DLGAP2: variants seen among roughly 807,000 people sequenced by gnomAD.
DLGAP2 encodes the protein disks large-associated protein 2.
In DLGAP2, 26 loss-of-function variants were observed where a neutral mutation model predicts 100.3. That is an observed-to-expected ratio of 0.26 (90% confidence interval 0.19 to 0.36). The LOEUF (loss-of-function observed/expected upper bound fraction) is 0.36, where lower values mean the gene tolerates loss of function less well. Among genes scored for constraint, DLGAP2 ranks in the 10% least tolerant of loss-of-function variants. The probability of loss-of-function intolerance (pLI) is 1.00; values close to 1 mark genes in which losing one functional copy is unlikely to be tolerated. For missense variants in DLGAP2, 1,858 were observed against 1,453.2 expected (o/e 1.28, Z -4.53); for synonymous variants, 886 against 630.1 (o/e 1.41, Z -6.08).
At position 987,190 on chromosome 8, in the gene DLGAP2, T is replaced by A. The variant is rs189839976; in HGVS notation, c.73+79224T>A. Among the ~76,000 whole-genome samples, 672 of 152,278 alleles carry A rather than the reference T, an allele frequency of 4.4e-3. 7 individuals are homozygous for A. Among genetic ancestry groups the A allele is most frequent in the African/African-American group, 0.015 (644 of 41,552 alleles). On this transcript the variant is annotated intron_variant, in intron 2 of 14. Transcript: ENST00000637795. Reference sequence around the variant, plus strand: ...CACCGGAGGTTGGTTTGTGATGGTGTCTTTGCAGGAGTGCCAGGTGCCCTG... The same window carrying A: ...CACCGGAGGTTGGTTTGTGATGGTGACTTTGCAGGAGTGCCAGGTGCCCTG...
At position 1,478,850 on chromosome 8, in the gene DLGAP2, G is replaced by T. The variant is rs145006720; in HGVS notation, c.107-22516G>T. Among the ~76,000 whole-genome samples, 750 of 152,354 alleles carry T rather than the reference G, an allele frequency of 4.9e-3. 2 individuals carry two copies. The highest frequency in any genetic ancestry group is 8.0e-3 in the Non-Finnish European group (545 of 68,036). ...CCTCCTTGATGAAGATCAGTCATTA[G>T]CCAGGTACAAAGGAACAAGAAAGTA... On this transcript the variant is annotated intron_variant, in intron 3 of 14. Transcript: ENST00000637795.
At chr8:1,107,971 A>G (rs1166307419) in intron 2 of DLGAP2, among the ~76,000 whole-genome samples, 1 of 152,192 alleles carries the variant, frequency 6.6e-6, no homozygotes, top group Admixed American at 6.5e-5. Flanking sequence ...TCCTTCCTGA[A>G]GCGCCTGAAG....
chr8:1,259,150 A>T (rs1663235907), intron 3 of DLGAP2, among the ~76,000 whole-genome samples: 1 of 152,216 alleles, frequency 6.6e-6, no homozygotes. Flanking sequence ...GGATTGACAA[A>T]TTTCCATCAG....
chr8:945,595 A>G (rs890867953), intron 2 of DLGAP2, among the ~76,000 whole-genome samples: 1 of 152,138 alleles, frequency 6.6e-6, no homozygotes, highest in African/African-American at 2.4e-5. Context: ...AAACGCCACC[A>G]CTTAACGTGC....
At chr8:1,201,953 C>T (rs10106705) in intron 2 of DLGAP2, among the ~76,000 whole-genome samples, 31,127 of 144,810 alleles carry the variant, frequency 0.21, 3,274 homozygotes, top group African/African-American at 0.27. Flanking sequence ...TGTATGTGTA[C>T]ACATGTGGTG....
chr8:1,081,087 T>C (rs1242504967), intron 2 of DLGAP2, among the ~76,000 whole-genome samples: 1 of 152,206 alleles, frequency 6.6e-6, no homozygotes, highest in African/African-American at 2.4e-5. Flanking sequence ...TAAATTTGTG[T>C]TAATTTGTTC....
intron 2 of DLGAP2, among the ~76,000 whole-genome samples, chr8:1,030,425 A>G (rs1218558319): frequency 1.3e-5 from 2 of 152,214 alleles, no homozygotes; most frequent in East Asian, 3.8e-4. Flanking sequence ...GCTGCAGGAT[A>G]CAGAATCCAA....
chr8:1,265,215 C>G (rs1159367376), intron 3 of DLGAP2, among the ~76,000 whole-genome samples: 1 of 151,768 alleles, frequency 6.6e-6, no homozygotes, highest in Non-Finnish European at 1.5e-5. Context: ...AATAGATTTT[C>G]AAAAGAAACA....
At chr8:1,134,205 A>G (rs922118665) in intron 2 of DLGAP2, among the ~76,000 whole-genome samples, 1 of 152,188 alleles carries the variant, frequency 6.6e-6, no homozygotes, top group Non-Finnish European at 1.5e-5. Flanking sequence ...ATTCCATGGT[A>G]TACATGTACC....
intron 5 of DLGAP2, among the ~76,000 whole-genome samples, chr8:1,555,053 T>C (rs1801913278): frequency 6.6e-6 from 1 of 152,140 alleles, no homozygotes; most frequent in Non-Finnish European, 1.5e-5. Context: ...AGGAGGGCTT[T>C]TGTTTTAAGT....
At chr8:1,152,482 G>A (rs1357445982) in intron 2 of DLGAP2, among the ~76,000 whole-genome samples, 1 of 152,180 alleles carries the variant, frequency 6.6e-6, no homozygotes, top group East Asian at 1.9e-4. Flanking sequence ...TCAGTTATCT[G>A]GTCATAGTGA....
At chr8:1,295,490 T>A (rs1434658370) in intron 3 of DLGAP2, among the ~76,000 whole-genome samples, 5 of 152,028 alleles carry the variant, frequency 3.3e-5, no homozygotes, top group East Asian at 3.9e-4. Context: ...GGAAGCACAC[T>A]CTCTGTCCAC....
intron 2 of DLGAP2, among the ~76,000 whole-genome samples, chr8:1,017,990 C>G (rs929022620): frequency 1.1e-4 from 17 of 152,312 alleles, no homozygotes; most frequent in African/African-American, 3.8e-4. Flanking sequence ...ACCCCACAAC[C>G]TGAACTATTC....
chr8:802,243 ACTC>A (rs1262233662), intron 1 of DLGAP2, among the ~76,000 whole-genome samples: 1 of 145,840 alleles, frequency 6.9e-6, no homozygotes, highest in African/African-American at 2.6e-5. Flanking sequence ...AATGGTCTGC[ACTC>A]CTCCTGGGCC....
intron 2 of DLGAP2, among the ~76,000 whole-genome samples, chr8:928,041 G>A (rs1381475696): frequency 2.6e-5 from 4 of 152,154 alleles, no homozygotes; most frequent in African/African-American, 4.8e-5. Flanking sequence ...CCGGGAGAAC[G>A]GGACCAGAGT....
At chr8:1,059,174 T>C (rs1352774027) in intron 2 of DLGAP2, among the ~76,000 whole-genome samples, 2 of 152,042 alleles carry the variant, frequency 1.3e-5, no homozygotes, top group South Asian at 2.1e-4. Context: ...ACAGCTCTCT[T>C]TGGGCCCTGG....
intron 2 of DLGAP2, among the ~76,000 whole-genome samples, chr8:1,230,698 A>G (rs967737090): frequency 6.6e-6 from 1 of 152,212 alleles, no homozygotes; most frequent in Admixed American, 6.5e-5. Context: ...CCCAGAAATG[A>G]ACCCATACAG....
At chr8:1,483,964 C>A (rs952708313) in intron 3 of DLGAP2, among the ~76,000 whole-genome samples, 6 of 152,240 alleles carry the variant, frequency 3.9e-5, no homozygotes, top group African/African-American at 1.4e-4. Context: ...CAACAGTGTT[C>A]TTGCCCATGG....
In DLGAP2 at chr8:1,565,954, C is replaced by T. The variant is rs1439302960; in HGVS notation, c.1442+60C>T. On this transcript the variant is annotated intron_variant, in intron 6 of 14. Coordinates refer to ENST00000637795, the MANE Select transcript of DLGAP2 (RefSeq NM_001346810.2). ...CTTTCCCACTGCCTGCGAGCTCCCT[C>T]TCCAAAACCACTTCACCGTGAGCTG... 1.7e-5 allele frequency: 25 copies of T among 1,438,130 alleles called. 1 individual carries two copies. The South Asian group carries it at 3.3e-4, about 19-fold the overall frequency. 89.1% of individuals were successfully genotyped at this position (1,438,130 alleles called of 1,614,324 possible). A position where few individuals can be genotyped will look rare whatever the true frequency, so the allele number is the denominator to read the frequency against.
Sources: allele counts gnomAD v4.1 joint callset (sites outside exome capture counted in the v4.1 genomes callset), GRCh38; gene constraint gnomAD v4.1.1; transcripts MANE v1.5; gene names NCBI Gene and HGNC (gene_info 2026-07-23, HGNC 2026-07-21).